The following ACVR1C variants were observed in gnomAD, a reference collection of about 807,000 sequenced individuals.
ACVR1C encodes activin receptor type-1C.
Under a neutral mutation model 57.9 loss-of-function variants are expected in ACVR1C, and 23 were observed. That is an observed-to-expected ratio of 0.40 (90% confidence interval 0.29 to 0.56). ACVR1C has a LOEUF of 0.56. Among genes scored for constraint, ACVR1C ranks in the 20% least tolerant of loss-of-function variants. The pLI is 0.50. For synonymous variants in ACVR1C, 214 were observed against 215.3 expected (o/e 0.99, Z 0.05); for missense variants, 480 against 607.9 (o/e 0.79, Z 2.21).
chr2:157,594,588 T>C (rs1377311311), intron 1 of ACVR1C, among the ~76,000 whole-genome samples: 1 of 152,180 alleles, frequency 6.6e-6, no homozygotes, highest in Non-Finnish European at 1.5e-5. Context: ...TTGAATGTTC[T>C]TTCCAATATC....
intron 2 of ACVR1C, among the ~76,000 whole-genome samples, chr2:157,586,008 A>G (rs954600024): frequency 3.9e-5 from 6 of 152,198 alleles, no homozygotes; most frequent in Non-Finnish European, 8.8e-5. Flanking sequence ...GCAAACAAAC[A>G]TGATATTACA....
rs56115461 is a variant in ACVR1C, at chr2:157,603,412, A to G, written c.74-15995T>C. 2.0e-3 allele frequency among the ~76,000 whole-genome samples: 311 copies of G among 152,214 alleles called. 2 individuals are homozygous for G. Among genetic ancestry groups the G allele is most frequent in the African/African-American group, 7.3e-3 (302 of 41,536 alleles). The stretch of plus-strand genomic sequence containing the variant: ...CTCAACAAGGGGTACCTCTAATCTG[A>G]CTCAGCAAAATAGGTTTGTTAACAC... On this transcript the variant is annotated intron_variant, in intron 1 of 8. Coordinates refer to ENST00000243349, the MANE Select transcript of ACVR1C (RefSeq NM_145259.3).
At chr2:157,581,415 A>C (rs1688787296) in intron 2 of ACVR1C, among the ~76,000 whole-genome samples, 1 of 152,272 alleles carries the variant, frequency 6.6e-6, no homozygotes, top group African/African-American at 2.4e-5. Flanking sequence ...AGGAATTGTG[A>C]GGAGAATTGA....
At chr2:157,563,166 G>A (rs1258071309) in intron 2 of ACVR1C, among the ~76,000 whole-genome samples, 8 of 152,196 alleles carry the variant, frequency 5.3e-5, no homozygotes, top group Admixed American at 5.2e-4. Context: ...AATAGGAAGA[G>A]AGGAAGTCAA....
Position 157,542,842 on chromosome 2 carries a change from G to T in ACVR1C, c.964C>A (p.Arg322=), listed in dbSNP as rs373961422. 1 of 1,613,612 alleles carries T rather than the reference G, an allele frequency of 6.2e-7. No individual in the cohort carries two copies. Among genetic ancestry groups the T allele is most frequent in the African/African-American group, 1.3e-5 (1 of 74,858 alleles). The change falls in exon 6 of 9, where the codon CGA becomes AGA. Residue 322 remains arginine, a synonymous_variant. Transcript: ENST00000243349. The part of the protein sequence containing the change: ...GTQGKPAIAH[R]DIKSKNILVK... ...AAGATATTCTTTGATTTTATGTCTCGATGAGCAATAGCAGGTTTACCTATG... is the reference window on the plus strand; with the variant it reads ...AAGATATTCTTTGATTTTATGTCTCTATGAGCAATAGCAGGTTTACCTATG...
In ACVR1C at chr2:157,551,350, T is replaced by G. The variant is rs537335056; in HGVS notation, c.545-958A>C. 3.9e-5 allele frequency among the ~76,000 whole-genome samples: 6 copies of G among 152,334 alleles called. No homozygotes were observed. The East Asian group carries it at 1.2e-3, about 29-fold the overall frequency. ...AGCACAGTATCTGGCATATTACATG[T>G]TCAATAATGGTTAACATTATGTTAA... On this transcript the variant is annotated intron_variant, in intron 3 of 8. Coordinates refer to ENST00000243349, the MANE Select transcript of ACVR1C (RefSeq NM_145259.3).
chr2:157,567,981 C>A (rs1375366099), intron 2 of ACVR1C, among the ~76,000 whole-genome samples: 1,309 of 133,508 alleles, frequency 9.8e-3, no homozygotes, highest in South Asian at 0.034. Context: ...GTCGGGTTAC[C>A]CTCAAAGGAA....
chr2:157,552,784 A>G (rs1314650441), intron 3 of ACVR1C, among the ~76,000 whole-genome samples: 1 of 152,252 alleles, frequency 6.6e-6, no homozygotes, highest in East Asian at 1.9e-4. Context: ...TTGCTTTGGT[A>G]TCTTTCAAAG....
intron 1 of ACVR1C, among the ~76,000 whole-genome samples, chr2:157,594,062 A>G (rs2105131665): frequency 6.6e-6 from 1 of 152,326 alleles, no homozygotes; most frequent in South Asian, 2.1e-4. Context: ...CCACCCTACC[A>G]ACAGAGATTC....
intron 1 of ACVR1C, among the ~76,000 whole-genome samples, chr2:157,601,967 A>G (rs1287158075): frequency 6.6e-6 from 1 of 152,230 alleles, no homozygotes; most frequent in Non-Finnish European, 1.5e-5. Context: ...GTTATGGGCT[A>G]TTCAGAGCTC....
intron 4 of ACVR1C, among the ~76,000 whole-genome samples, chr2:157,547,811 T>C (rs1687806235): frequency 1.3e-5 from 2 of 151,778 alleles, no homozygotes; most frequent in African/African-American, 4.9e-5. Flanking sequence ...GTGAAGAAGC[T>C]CTTTAGTTTA....
At chr2:157,578,624 C>A (rs1324963958) in intron 2 of ACVR1C, among the ~76,000 whole-genome samples, 1 of 152,108 alleles carries the variant, frequency 6.6e-6, no homozygotes, top group African/African-American at 2.4e-5. Flanking sequence ...ATCAAGGGGT[C>A]ACTAATAGCA....
chr2:157,577,294 C>G (rs921963902), intron 2 of ACVR1C, among the ~76,000 whole-genome samples: 1 of 151,156 alleles, frequency 6.6e-6, no homozygotes, highest in African/African-American at 2.4e-5. Context: ...TTGTTTCAAC[C>G]CTGTATATTC....
In ACVR1C at chr2:157,532,263, G is replaced by C. The variant is rs763597061; in HGVS notation, c.*1655C>G. ...TTTGCTTTATAGAACAGTTAAATAT[G>C]GGATAGTAAAAAGTTTCCCCTCCTC... On this transcript the variant is annotated 3_prime_UTR_variant, in exon 9 of 9. Transcript: ENST00000243349. 3 of 151,800 alleles carry C rather than the reference G, an allele frequency of 2.0e-5. No homozygotes were observed. The highest frequency in any genetic ancestry group is 4.4e-5 in the Non-Finnish European group (3 of 67,956). 9.4% of individuals were successfully genotyped at this position (151,800 alleles called of 1,614,324 possible).
At chr2:157,619,858 A>G (rs1031537826) in intron 1 of ACVR1C, among the ~76,000 whole-genome samples, 14 of 152,032 alleles carry the variant, frequency 9.2e-5, no homozygotes, top group African/African-American at 3.4e-4. Flanking sequence ...TGATCATGGT[A>G]AAAGGAGAGA....
chr2:157,611,475 T>C (rs1682531528), intron 1 of ACVR1C, among the ~76,000 whole-genome samples: 1 of 152,034 alleles, frequency 6.6e-6, no homozygotes, highest in East Asian at 1.9e-4. Context: ...ACTGTGATGT[T>C]AGTGGGTCCA....
chr2:157,566,647 T>G (rs1688390862), intron 2 of ACVR1C, among the ~76,000 whole-genome samples: 1 of 151,820 alleles, frequency 6.6e-6, no homozygotes, highest in Non-Finnish European at 1.5e-5. Flanking sequence ...ATTGCGCTTT[T>G]CAGACCGGCT....
At chr2:157,626,721 T>A (rs1205676666) in intron 1 of ACVR1C, among the ~76,000 whole-genome samples, 1 of 152,244 alleles carries the variant, frequency 6.6e-6, no homozygotes, top group Non-Finnish European at 1.5e-5. Flanking sequence ...GAGTTTTATA[T>A]AAAGTTAAGA....
chr2:157,591,177 A>G (rs1689048464), intron 1 of ACVR1C, among the ~76,000 whole-genome samples: 1 of 151,956 alleles, frequency 6.6e-6, no homozygotes, highest in Admixed American at 6.6e-5. Flanking sequence ...TAATAAAGAA[A>G]TGCATCTCTT....
Sources: gnomAD v4.1 joint callset for allele counts (sites outside exome capture counted in the v4.1 genomes callset) on GRCh38, gnomAD v4.1.1 for gene constraint, MANE v1.5 for transcripts, NCBI Gene and HGNC (gene_info 2026-07-23, HGNC 2026-07-21) for gene names.